Variants in CDH18 observed in about 807,000 individuals in gnomAD.
The protein encoded by CDH18 is cadherin 18, also known as cadherin-18.
Under a neutral mutation model 67.9 loss-of-function variants are expected in CDH18, and 31 were observed. The observed-to-expected ratio is 0.46, with a 90% confidence interval of 0.34 to 0.62. CDH18 has a LOEUF of 0.62. Among genes scored for constraint, CDH18 ranks in the 20% least tolerant of loss-of-function variants. CDH18 has a pLI of 0.01. For missense variants in CDH18, 890 were observed against 975.5 expected (o/e 0.91, Z 1.17); for synonymous variants, 362 against 347.2 (o/e 1.04, Z -0.48).
intron 1 of CDH18, among the ~76,000 whole-genome samples, chr5:20,490,600 A>G (rs933147596): frequency 6.6e-6 from 1 of 152,162 alleles, no homozygotes; most frequent in Non-Finnish European, 1.5e-5. Context: ...TAAGTTGAAA[A>G]TAAACCCACA....
chr5:19,814,774 G>C (rs1360047089), intron 3 of CDH18, among the ~76,000 whole-genome samples: 2 of 151,034 alleles, frequency 1.3e-5, no homozygotes. Flanking sequence ...GACAAGCCCT[G>C]GAAAAAAAAA....
At chr5:19,703,460 G>C (rs1177779159) in intron 5 of CDH18, among the ~76,000 whole-genome samples, 1 of 152,162 alleles carries the variant, frequency 6.6e-6, no homozygotes, top group East Asian at 1.9e-4. Context: ...TTGTTTGCCA[G>C]CTAAAGCTAA....
intron 2 of CDH18, among the ~76,000 whole-genome samples, chr5:20,076,766 G>T (rs1417391457): frequency 6.6e-6 from 1 of 152,012 alleles, no homozygotes; most frequent in Non-Finnish European, 1.5e-5. Context: ...GAGAATTTTA[G>T]AAATATTTAC....
intron 4 of CDH18, among the ~76,000 whole-genome samples, chr5:19,738,053 T>G (rs996342939): frequency 2.6e-5 from 4 of 152,160 alleles, no homozygotes; most frequent in African/African-American, 9.6e-5. Flanking sequence ...AAATGTCACA[T>G]TTAAGAATAG....
intron 2 of CDH18, among the ~76,000 whole-genome samples, chr5:19,934,822 T>C (rs1201087140): frequency 6.6e-6 from 1 of 151,392 alleles, no homozygotes; most frequent in African/African-American, 2.4e-5. Context: ...GTCAAAAAAC[T>C]CTAGATCTAT....
chr5:20,293,069 C>A (rs1441956587), intron 1 of CDH18, among the ~76,000 whole-genome samples: 1 of 152,072 alleles, frequency 6.6e-6, no homozygotes, highest in East Asian at 1.9e-4. Flanking sequence ...GTAATCCCAG[C>A]ACTTTGGGAG....
intron 1 of CDH18, among the ~76,000 whole-genome samples, chr5:20,560,036 G>T (rs1038958083): frequency 6.6e-6 from 1 of 152,070 alleles, no homozygotes; most frequent in Admixed American, 6.6e-5. Flanking sequence ...CCCATGGTTT[G>T]GTTCAGCATC....
chr5:20,362,942 C>T (rs923488411), intron 1 of CDH18, among the ~76,000 whole-genome samples: 1 of 152,130 alleles, frequency 6.6e-6, no homozygotes, highest in South Asian at 2.1e-4. Context: ...AAGTAGTTGT[C>T]ATACTAGACC....
chr5:19,987,253 AAC>A (rs10654722), intron 1 of CDH18, among the ~76,000 whole-genome samples: 19,738 of 143,754 alleles, frequency 0.14, 1,255 homozygotes, highest in Admixed American at 0.17. Context: ...CTGTACAGAC[AAC>A]ACACACACAC....
intron 2 of CDH18, among the ~76,000 whole-genome samples, chr5:20,050,117 G>C (rs1741281257): frequency 6.6e-6 from 1 of 151,752 alleles, no homozygotes; most frequent in Non-Finnish European, 1.5e-5. Flanking sequence ...ATAGATATGA[G>C]GGTAACCCTC....
At chr5:20,542,264 TCAG>T (rs1757091577) in intron 1 of CDH18, among the ~76,000 whole-genome samples, 1 of 145,626 alleles carries the variant, frequency 6.9e-6, no homozygotes, top group South Asian at 2.3e-4. Context: ...ATTATTATCA[TCAG>T]CAGAAAGAGG....
intron 2 of CDH18, among the ~76,000 whole-genome samples, chr5:20,179,395 C>T (rs1056664428): frequency 1.3e-5 from 2 of 152,136 alleles, no homozygotes; most frequent in Non-Finnish European, 2.9e-5. Context: ...AGACAAACCA[C>T]AGATATTTTT....
chr5:19,956,558 A>T (rs1318540114), intron 2 of CDH18, among the ~76,000 whole-genome samples: 1 of 151,468 alleles, frequency 6.6e-6, no homozygotes, highest in Non-Finnish European at 1.5e-5. Context: ...GATAATTTAC[A>T]TTCAATACTG....
chr5:19,835,401 A>G (rs1383984797), intron 3 of CDH18, among the ~76,000 whole-genome samples: 1 of 152,066 alleles, frequency 6.6e-6, no homozygotes, highest in Non-Finnish European at 1.5e-5. Flanking sequence ...AGACAGGTCA[A>G]TAGGTGCAGC....
chr5:19,791,981 T>C (rs1776409390), intron 3 of CDH18, among the ~76,000 whole-genome samples: 1 of 152,158 alleles, frequency 6.6e-6, no homozygotes, highest in South Asian at 2.1e-4. Flanking sequence ...TTAAAATGTA[T>C]GTATTTCTTT....
chr5:20,259,162 C>T (rs1744461371), intron 1 of CDH18, among the ~76,000 whole-genome samples: 1 of 152,130 alleles, frequency 6.6e-6, no homozygotes, highest in Non-Finnish European at 1.5e-5. Context: ...TCCCCCTCAA[C>T]CAATTGTTAG....
chr5:20,310,068 G>C (rs967024560), intron 1 of CDH18, among the ~76,000 whole-genome samples: 2 of 152,080 alleles, frequency 1.3e-5, no homozygotes, highest in African/African-American at 4.8e-5. Context: ...AAAAAACCTA[G>C]TTGTGAATTG....
intron 1 of CDH18, among the ~76,000 whole-genome samples, chr5:20,499,344 CTGTTTTG>C: frequency 6.6e-6 from 1 of 152,066 alleles, no homozygotes; most frequent in Admixed American, 6.6e-5. Flanking sequence ...GATTGTTATA[CTGTTTTG>C]TGTTTTATAT....
chr5:20,132,899 T>C (rs1749392053), intron 2 of CDH18, among the ~76,000 whole-genome samples: 2 of 152,210 alleles, frequency 1.3e-5, no homozygotes, highest in South Asian at 4.1e-4. Flanking sequence ...TTATTCCTTC[T>C]CTACTTATCT....
Sources: gnomAD v4.1 joint callset for allele counts (sites outside exome capture counted in the v4.1 genomes callset) on GRCh38, gnomAD v4.1.1 for gene constraint, MANE v1.5 for transcripts, NCBI Gene and HGNC (gene_info 2026-07-23, HGNC 2026-07-21) for gene names.